Variants in MDGA2 observed in about 807,000 individuals in gnomAD.
The protein encoded by MDGA2 is MAM domain containing glycosylphosphatidylinositol anchor 2.
In MDGA2, 40 loss-of-function variants were observed where a neutral mutation model predicts 117.8. The observed-to-expected ratio is 0.34, with a 90% CI of 0.26 to 0.44. The LOEUF (loss-of-function observed/expected upper bound fraction) is 0.44. Among genes scored for constraint, MDGA2 ranks in the 20% least tolerant of loss-of-function variants. MDGA2 has a pLI of 1.00. For missense variants in MDGA2, 1,123 were observed against 1,250.6 expected (o/e 0.90, Z 1.54); for synonymous variants, 452 against 439.0 (o/e 1.03, Z -0.37).
In MDGA2 at chr14:47,083,924, T is replaced by C. The variant is rs182476034; in HGVS notation, c.1195+12930A>G. 1.7e-3 allele frequency among the ~76,000 whole-genome samples: 259 copies of C among 152,056 alleles called. 3 individuals carry two copies. The highest frequency in any genetic ancestry group is 6.0e-3 in the African/African-American group (248 of 41,516). ...CCCCTCCAAAAAAAAGCAGAAAATATGTGAAGCAAAAACAGATAGAACTGA... is the reference window on the plus strand; with the variant it reads ...CCCCTCCAAAAAAAAGCAGAAAATACGTGAAGCAAAAACAGATAGAACTGA... On this transcript the variant is annotated intron_variant, in intron 6 of 16. Transcript: ENST00000399232.
intron 1 of MDGA2, among the ~76,000 whole-genome samples, chr14:47,632,822 A>C (rs1391632728): frequency 2.1e-5 from 3 of 145,790 alleles, no homozygotes; most frequent in Non-Finnish European, 4.5e-5. Context: ...TTAACACTTC[A>C]CTTATCTTTC....
At chr14:46,867,112 T>A (rs1367620221) in intron 14 of MDGA2, among the ~76,000 whole-genome samples, 1 of 152,048 alleles carries the variant, frequency 6.6e-6, no homozygotes, top group East Asian at 1.9e-4. Context: ...TTGTGGCACT[T>A]TTCACAACAG....
At chr14:47,521,797 G>A (rs371368941) in intron 1 of MDGA2, among the ~76,000 whole-genome samples, 232 of 152,020 alleles carry the variant, frequency 1.5e-3, no homozygotes, top group Middle Eastern at 0.01. Context: ...TCAGCCTCCC[G>A]AGTAGCTGGG....
intron 1 of MDGA2, among the ~76,000 whole-genome samples, chr14:47,417,113 A>G (rs1892491158): frequency 6.6e-6 from 1 of 152,172 alleles, no homozygotes. Flanking sequence ...TATTAATCTT[A>G]TCTGTGCTTT....
intron 7 of MDGA2, among the ~76,000 whole-genome samples, chr14:47,050,985 T>C (rs1464993026): frequency 6.6e-6 from 1 of 152,006 alleles, no homozygotes; most frequent in African/African-American, 2.4e-5. Flanking sequence ...GAATGTTACC[T>C]GAATCACTTC....
chr14:47,456,547 C>T (rs986905511), intron 1 of MDGA2, among the ~76,000 whole-genome samples: 3 of 151,832 alleles, frequency 2.0e-5, no homozygotes, highest in African/African-American at 7.3e-5. Flanking sequence ...AGGTTATCCA[C>T]CCATCTCGGC....
chr14:47,012,982 G>C (rs199532163), intron 8 of MDGA2, among the ~76,000 whole-genome samples: 2 of 152,246 alleles, frequency 1.3e-5, no homozygotes, highest in East Asian at 1.9e-4. Context: ...CCTTCATCGA[G>C]TTGTACTCTT....
At position 47,148,611 on chromosome 14, in the gene MDGA2, G is replaced by A. The variant is rs538764493; in HGVS notation, c.596-4337C>T. 5.3e-5 allele frequency among the ~76,000 whole-genome samples: 8 copies of A among 152,290 alleles called. No homozygotes were observed. The East Asian group carries it at 1.5e-3, about 29-fold the overall frequency. ...GATCCTGTGTATGACATTTCTCAAA[G>A]TATCTCAGGAGTCCATTCTCCCTAG... On this transcript the variant is annotated intron_variant, in intron 3 of 16. Transcript: ENST00000399232.
chr14:47,556,344 G>T (rs1247632055), intron 1 of MDGA2, among the ~76,000 whole-genome samples: 1 of 152,188 alleles, frequency 6.6e-6, no homozygotes, highest in Non-Finnish European at 1.5e-5. Flanking sequence ...ATCTGCAAAA[G>T]TCATTCCAAA....
At position 47,018,733 on chromosome 14, in the gene MDGA2, G is replaced by GAA. The variant is rs60442845; in HGVS notation, c.1819+16276_1819+16277dup. 2.6e-3 allele frequency among the ~76,000 whole-genome samples: 100 copies of GAA among 38,646 alleles called. 6 individuals are homozygous for GAA. Among genetic ancestry groups the GAA allele is most frequent in the Non-Finnish European group, 3.9e-3 (79 of 20,120 alleles). 25.4% of individuals were successfully genotyped at this position (38,646 alleles called of 152,430 possible). A position where few individuals can be genotyped will look rare whatever the true frequency, so the allele number is the denominator to read the frequency against. Reference sequence around the variant, plus strand: ...ACTGTAAGGCTCAAGCCATTTTACTGAAAAAAAAAAAAAAAAAAAAAAAAA... The same window carrying GAA: ...ACTGTAAGGCTCAAGCCATTTTACTGAAAAAAAAAAAAAAAAAAAAAAAAAAA... On this transcript the variant is annotated intron_variant, in intron 8 of 16. Transcript: ENST00000399232.
chr14:47,497,883 G>A (rs116897790), intron 1 of MDGA2, among the ~76,000 whole-genome samples: 2 of 151,990 alleles, frequency 1.3e-5, no homozygotes, highest in East Asian at 1.9e-4. Context: ...AACTTCTGAC[G>A]TCTACAAATT....
At chr14:46,964,586 T>C (rs1233288789) in intron 8 of MDGA2, among the ~76,000 whole-genome samples, 2 of 152,156 alleles carry the variant, frequency 1.3e-5, no homozygotes, top group Non-Finnish European at 2.9e-5. Flanking sequence ...AGGACAAAGG[T>C]ATCCGGGAGC....
At chr14:47,656,990 G>A (rs186385278) in intron 1 of MDGA2, among the ~76,000 whole-genome samples, 295 of 152,188 alleles carry the variant, frequency 1.9e-3, no homozygotes, top group Non-Finnish European at 3.7e-3. Context: ...CTTACTCTTA[G>A]AATCCTCACA....
chr14:47,314,212 G>T (rs989584024), intron 1 of MDGA2, among the ~76,000 whole-genome samples: 1 of 152,096 alleles, frequency 6.6e-6, no homozygotes, highest in Non-Finnish European at 1.5e-5. Flanking sequence ...TTCCACAAAA[G>T]ATTTTATGAG....
chr14:47,530,128 G>T (rs1034441646), intron 1 of MDGA2, among the ~76,000 whole-genome samples: 1 of 152,306 alleles, frequency 6.6e-6, no homozygotes, highest in South Asian at 2.1e-4. Context: ...CAGGAAAGCA[G>T]ATGTTCATAG....
At chr14:46,963,696 C>T (rs1028563251) in intron 8 of MDGA2, among the ~76,000 whole-genome samples, 3 of 152,072 alleles carry the variant, frequency 2.0e-5, no homozygotes, top group African/African-American at 7.2e-5. Flanking sequence ...GTAACTTCTC[C>T]CTTGGTTAAT....
At chr14:47,612,282 C>A (rs1031413950) in intron 1 of MDGA2, among the ~76,000 whole-genome samples, 7 of 151,856 alleles carry the variant, frequency 4.6e-5, no homozygotes, top group African/African-American at 7.3e-5. Context: ...TCATTGCTGT[C>A]ATCTGGCATA....
chr14:46,985,883 C>G (rs189505993), intron 8 of MDGA2, among the ~76,000 whole-genome samples: 485 of 152,122 alleles, frequency 3.2e-3, no homozygotes, highest in Non-Finnish European at 5.6e-3. Flanking sequence ...ATGCCTTATT[C>G]ACCTTATTGA....
chr14:47,360,532 C>T (rs1891097577), intron 1 of MDGA2, among the ~76,000 whole-genome samples: 2 of 152,084 alleles, frequency 1.3e-5, no homozygotes, highest in Non-Finnish European at 2.9e-5. Context: ...TGAAATTTCA[C>T]TTTACATCTG....
Sources: gnomAD v4.1 joint callset for allele counts (sites outside exome capture counted in the v4.1 genomes callset) on GRCh38, gnomAD v4.1.1 for gene constraint, MANE v1.5 for transcripts, NCBI Gene and HGNC (gene_info 2026-07-23, HGNC 2026-07-21) for gene names.